Variants in MTMR2 observed in about 807,000 individuals in gnomAD.
MTMR2 encodes myotubularin related protein 2.
MTMR2 carries 55 observed loss-of-function variants against 86.9 expected under a neutral mutation model. That is an observed-to-expected ratio of 0.63 (90% CI 0.51 to 0.79). The LOEUF is 0.79. MTMR2 is among the 30% of genes least tolerant of loss of function. The probability of loss-of-function intolerance (pLI) is 0.00; values close to 1 mark genes in which losing one functional copy is unlikely to be tolerated. For synonymous variants in MTMR2, 241 were observed against 266.8 expected, an observed-to-expected ratio of 0.90 and a Z score of 0.94; for missense variants, 659 against 772.3, an observed-to-expected ratio of 0.85 and a Z score of 1.74.
Position 95,924,081 on chromosome 11 carries a change from G to A in MTMR2, c.-127C>T. The A allele has an allele frequency of 7.9e-7, 1 of 1,267,504 alleles. No individual in the cohort carries two copies. The highest frequency in any genetic ancestry group is 1.1e-6 in the Non-Finnish European group (1 of 894,890). 78.5% of individuals were successfully genotyped at this position (1,267,504 alleles called of 1,614,324 possible). A position where few individuals can be genotyped will look rare whatever the true frequency, so the allele number is the denominator to read the frequency against. ...CCAGCGCCGGCCCGGGAGGGAGACCGGAAGCGGCCATGTTCCCCCAGAGTG... is the reference window on the plus strand; with the variant it reads ...CCAGCGCCGGCCCGGGAGGGAGACCAGAAGCGGCCATGTTCCCCCAGAGTG... On this transcript the variant is annotated 5_prime_UTR_variant, in exon 1 of 15. Coordinates refer to ENST00000346299, the MANE Select transcript of MTMR2 (RefSeq NM_016156.6).
In MTMR2 at chr11:95,923,861, G is replaced by C. The variant is rs1405741293; in HGVS notation, c.80+14C>G. ...CCTTCGGACGCTGGGCGGGGCCCTG[G>C]GCGTCCTGGTTACCTGGACAAGGAG... On this transcript the variant is annotated intron_variant, in intron 1 of 14. Coordinates refer to ENST00000346299, the MANE Select transcript of MTMR2 (RefSeq NM_016156.6). 1.3e-6 allele frequency: 2 copies of C among 1,536,826 alleles called. No homozygotes were observed. Among genetic ancestry groups the C allele is most frequent in the Admixed American group, 2.0e-5 (1 of 50,942 alleles).
rs1289230174 is a variant in MTMR2, at chr11:95,865,965, G to C, written c.187-289C>G. On this transcript the variant is annotated intron_variant, in intron 2 of 14. Coordinates refer to ENST00000346299, the MANE Select transcript of MTMR2 (RefSeq NM_016156.6). The stretch of plus-strand genomic sequence containing the variant: ...CCTAAGACAGCCTAACAATAAAAGA[G>C]GTATTATATCCTCATTTCTCAGATG... 3.3e-5 allele frequency among the ~76,000 whole-genome samples: 5 copies of C among 152,206 alleles called. No individual in the cohort carries two copies. The South Asian group carries it at 6.2e-4, about 19-fold the overall frequency.
chr11:95,873,002 G>C (rs1053528927), intron 2 of MTMR2, among the ~76,000 whole-genome samples: 1 of 152,148 alleles, frequency 6.6e-6, no homozygotes, highest in African/African-American at 2.4e-5. Context: ...TTGATGTGCT[G>C]CTGGATTCGG....
chr11:95,902,692 G>A (rs1160801816), intron 1 of MTMR2, among the ~76,000 whole-genome samples: 1 of 151,992 alleles, frequency 6.6e-6, no homozygotes, highest in East Asian at 1.9e-4. Context: ...TACCTTTTAT[G>A]CTTACTAAAG....
At chr11:95,838,279 T>A (rs562850541) in intron 12 of MTMR2, 72 bp from the exon 13 acceptor site, 11 of 842,030 alleles carry the variant, frequency 1.3e-5, no homozygotes, top group Non-Finnish European at 2.1e-5. Context: ...CATGGGTAGA[T>A]CCTTTTGAGG....
intron 1 of MTMR2, among the ~76,000 whole-genome samples, chr11:95,889,032 T>C (rs1252778407): frequency 3.9e-5 from 6 of 152,164 alleles, no homozygotes; most frequent in African/African-American, 1.2e-4. Flanking sequence ...TTGTACCTTG[T>C]ACCCTCCCAC....
At chr11:95,877,681 C>T (rs964502847) in intron 2 of MTMR2, among the ~76,000 whole-genome samples, 8 of 152,004 alleles carry the variant, frequency 5.3e-5, no homozygotes, top group African/African-American at 1.9e-4. Context: ...CACAAGAAGA[C>T]AGCAATGTGA....
intron 7 of MTMR2, 109 bp from the exon 8 acceptor site, chr11:95,850,858 C>G (rs940117983): frequency 3.2e-5 from 33 of 1,037,228 alleles, no homozygotes; most frequent in Non-Finnish European, 4.8e-5. Context: ...TATCCATCTC[C>G]TAAAGTGTTG....
chr11:95,835,265 A>G lies in MTMR2; in HGVS notation c.*25T>C, dbSNP rs774324876. The stretch of plus-strand genomic sequence containing the variant: ...CCAGTGTAATCAAGAGTGTATAGCA[A>G]TGATGCCCCTGATCTTACAGTCCTT... On this transcript the variant is annotated 3_prime_UTR_variant, in exon 15 of 15. Coordinates refer to ENST00000346299, the MANE Select transcript of MTMR2 (RefSeq NM_016156.6). The G allele has an allele frequency of 1.7e-5, 28 of 1,611,396 alleles. No individual in the cohort carries two copies. Among genetic ancestry groups the G allele is most frequent in the Admixed American group, 3.3e-5 (2 of 59,780 alleles).
Position 95,924,100 on chromosome 11 carries a change from C to CGGCCTCAAGTTA in MTMR2, c.-147_-146insTAACTTGAGGCC. On this transcript the variant is annotated 5_prime_UTR_variant, in exon 1 of 15. Coordinates refer to ENST00000346299, the MANE Select transcript of MTMR2 (RefSeq NM_016156.6). ...GAGACCGGAAGCGGCCATGTTCCCC[C>CGGCCTCAAGTTA]AGAGTGCACCGCGCCTGTAGGCTGC... The CGGCCTCAAGTTA allele has an allele frequency of 1.1e-5, 11 of 1,004,788 alleles. No homozygotes were observed. Among genetic ancestry groups the CGGCCTCAAGTTA allele is most frequent in the Non-Finnish European group, 1.5e-5 (10 of 663,006 alleles). 62.2% of individuals were successfully genotyped at this position (1,004,788 alleles called of 1,614,324 possible).
intron 8 of MTMR2, among the ~76,000 whole-genome samples, 156 bp downstream of exon 8, chr11:95,850,444 G>A (rs1361239859): frequency 6.6e-6 from 1 of 152,114 alleles, no homozygotes; most frequent in Non-Finnish European, 1.5e-5. Context: ...CTTTCTTCCA[G>A]TTTTAACTTT....
intron 1 of MTMR2, among the ~76,000 whole-genome samples, chr11:95,904,584 T>C (rs945259028): frequency 1.3e-4 from 20 of 152,158 alleles, no homozygotes; most frequent in Non-Finnish European, 2.8e-4. Flanking sequence ...AAAACCAAGA[T>C]AGTGACGGAG....
intron 9 of MTMR2, among the ~76,000 whole-genome samples, chr11:95,848,231 A>G (rs934403867): frequency 2.6e-5 from 4 of 152,204 alleles, no homozygotes; most frequent in African/African-American, 7.2e-5. Context: ...AAGTTCTTAC[A>G]GATGACTTCC....
At chr11:95,840,678 A>G (rs1013923828) in intron 12 of MTMR2, among the ~76,000 whole-genome samples, 2 of 152,170 alleles carry the variant, frequency 1.3e-5, no homozygotes, top group African/African-American at 4.8e-5. Context: ...TATGGAGGCA[A>G]GGGACTGTTA....
chr11:95,839,768 G>C (rs1321167858), intron 12 of MTMR2, among the ~76,000 whole-genome samples: 2 of 152,068 alleles, frequency 1.3e-5, no homozygotes, highest in African/African-American at 4.8e-5. Context: ...TAGTATTCAA[G>C]TATTTATAAA....
At chr11:95,900,124 A>G (rs953335735) in intron 1 of MTMR2, among the ~76,000 whole-genome samples, 1 of 152,186 alleles carries the variant, frequency 6.6e-6, no homozygotes, top group African/African-American at 2.4e-5. Flanking sequence ...AAAATATAGA[A>G]GAGCGAGCAG....
chr11:95,846,409 C>G (rs1160868484), intron 10 of MTMR2, among the ~76,000 whole-genome samples: 1 of 152,024 alleles, frequency 6.6e-6, no homozygotes, highest in Non-Finnish European at 1.5e-5. Flanking sequence ...CACAAATAAA[C>G]AAGGAAATAT....
In MTMR2 at chr11:95,836,252, A is replaced by G. The variant is rs764911369; in HGVS notation, c.1666T>C (p.Tyr556His). Reference protein sequence around the residue: ...SQLEDFTNPLYGSYSNHVLYP... With the variant: ...SQLEDFTNPLHGSYSNHVLYP... ...AGGACATGATTGGAATAGCTCCCAT[A>G]GAGAGGATTAGTGAAGTCTTCCAGC... Residue 556 changes from tyrosine to histidine, a missense_variant, in exon 14 of 15, where the codon TAT becomes CAT. Physicochemically the swap from Tyr to His is moderately conservative, Grantham distance 83. This residue lies in a region of MTMR2 where 193 missense variants were observed against 191.6 expected (regional missense o/e 1.01). Coordinates refer to ENST00000346299, the MANE Select transcript of MTMR2 (RefSeq NM_016156.6). 1 of 1,613,012 alleles carries G rather than the reference A, an allele frequency of 6.2e-7. No individual in the cohort carries two copies. Among genetic ancestry groups the G allele is most frequent in the South Asian group, 1.1e-5 (1 of 91,060 alleles).
rs193222037 is a variant in MTMR2, at chr11:95,923,183, C to T, written c.80+692G>A. On this transcript the variant is annotated intron_variant, in intron 1 of 14. Transcript: ENST00000346299. ...CCATCTGTTACAAGAGAAATGACAACGTGGAGAACCAGTAGCCCAAGAAGG... is the reference window on the plus strand; with the variant it reads ...CCATCTGTTACAAGAGAAATGACAATGTGGAGAACCAGTAGCCCAAGAAGG... Among the ~76,000 whole-genome samples the T allele has an allele frequency of 1.0e-3, 154 of 152,252 alleles. 1 individual carries two copies. The highest frequency in any genetic ancestry group is 3.4e-3 in the African/African-American group (140 of 41,550).
Sources: gnomAD v4.1 joint callset for allele counts (sites outside exome capture counted in the v4.1 genomes callset) on GRCh38, gnomAD v4.1.1 for gene constraint, gnomAD v4.1.1 regional missense constraint, MANE v1.5 for transcripts, NCBI Gene and HGNC (gene_info 2026-07-23, HGNC 2026-07-21) for gene names.